The following BICRA variants were observed in gnomAD, a reference collection of about 807,000 sequenced individuals.
BICRA encodes BRD4-interacting chromatin-remodeling complex-associated protein.
In BICRA, 31 loss-of-function variants were observed where a neutral mutation model predicts 96.9. The observed-to-expected ratio is 0.32, with a 90% CI of 0.24 to 0.43. BICRA has a LOEUF of 0.43. BICRA is among the 20% of genes least tolerant of loss of function. BICRA has a pLI of 1.00. For missense variants in BICRA, 2,283 were observed against 2,190.3 expected (o/e 1.04, Z -0.84); for synonymous variants, 1,350 against 1,071.8 (o/e 1.26, Z -5.07).
Position 47,702,204 on chromosome 19 carries a change from G to A in BICRA, c.4472G>A (p.Ser1491Asn). ...DVDQASFSSD[S>N]PQDDTLTEHL... ...GACCAGGCCAGCTTCTCCAGCGACA[G>A]CCCGCAGGATGACACGCTCACCGAG... Residue 1491 changes from serine to asparagine, a missense_variant, in exon 15 of 15, where the codon AGC becomes AAC. Transcript: ENST00000594866. 3 of 1,595,366 alleles carry A rather than the reference G, an allele frequency of 1.9e-6. No homozygotes were observed. The highest frequency in any genetic ancestry group is 2.6e-6 in the Non-Finnish European group (3 of 1,176,306).
At chr19:47,695,312 G>T in intron 9 of BICRA, 53 bp from the exon 10 acceptor site, 1 of 799,132 alleles carries the variant, frequency 1.3e-6, no homozygotes, top group South Asian at 1.5e-5. Context: ...TTGAGGAGGG[G>T]GCCTTCATGC....
At position 47,701,310 on chromosome 19, in the gene BICRA, T is replaced by G; in HGVS notation, c.3596-18T>G. ...CCTCATCCTAACCCCGCGGGTTTTC[T>G]TTGCCCCGATTCTGCAGACGAGTAC... On this transcript the variant is annotated intron_variant, in intron 14 of 14. Coordinates refer to ENST00000594866, the MANE Select transcript of BICRA (RefSeq NM_001394372.1). The surrounding 1 kb of genome is among the most constrained non-coding windows in gnomAD (Gnocchi z 5.4). The G allele has an allele frequency of 6.2e-7, 1 of 1,601,716 alleles. No individual in the cohort carries two copies.
chr19:47,677,626 C>T (rs537185675), intron 5 of BICRA, among the ~76,000 whole-genome samples: 5 of 152,058 alleles, frequency 3.3e-5, no homozygotes, highest in Admixed American at 1.3e-4. Flanking sequence ...AACTCGTGGG[C>T]GGAGATTGTG....
At position 47,701,938 on chromosome 19, in the gene BICRA, G is replaced by A; in HGVS notation, c.4206G>A (p.Glu1402=). ...RENVGGPGAP[E]GTPAGRARGG... is the part of the protein sequence containing the mutation. ...ACGTGGGGGGCCCTGGCGCGCCGGAGGGGACGCCCGCAGGCAGGGCACGGG... is the reference window on the plus strand; with the variant it reads ...ACGTGGGGGGCCCTGGCGCGCCGGAAGGGACGCCCGCAGGCAGGGCACGGG... The change falls in exon 15 of 15, where the codon GAG becomes GAA. Residue 1402 remains glutamate, a synonymous_variant. Coordinates refer to ENST00000594866, the MANE Select transcript of BICRA (RefSeq NM_001394372.1). This position sits in a 1 kb window ranked among gnomAD's most constrained non-coding sequence, Gnocchi z 5.4. 7.0e-7 allele frequency: 1 copy of A among 1,436,734 alleles called. No individual in the cohort carries two copies. The highest frequency in any genetic ancestry group is 9.0e-7 in the Non-Finnish European group (1 of 1,105,358). 89.0% of individuals were successfully genotyped at this position (1,436,734 alleles called of 1,614,324 possible).
rs1973387740 is a variant in BICRA, at chr19:47,698,680, G to A, written c.3295G>A (p.Asp1099Asn). 7 of 1,516,482 alleles carry A rather than the reference G, an allele frequency of 4.6e-6. No homozygotes were observed. Among genetic ancestry groups the A allele is most frequent in the South Asian group, 3.4e-5 (3 of 89,380 alleles). 93.9% of individuals were successfully genotyped at this position (1,516,482 alleles called of 1,614,324 possible). A position where few individuals can be genotyped will look rare whatever the true frequency, so the allele number is the denominator to read the frequency against. Residue 1099 changes from aspartate to asparagine, a missense_variant, in exon 12 of 15, where the codon GAC (aspartate) becomes AAC (asparagine). Physicochemically the swap from Asp to Asn is conservative, Grantham distance 23. Transcript: ENST00000594866. This position sits in a 1 kb window ranked among gnomAD's most constrained non-coding sequence, Gnocchi z 4.8. ...HKHQGSVLHP[D>N]YKTAFPSFED... is the part of the protein sequence containing the mutation. Reference sequence around the variant, plus strand: ...ACACCAGGGCTCCGTCCTGCACCCCGACTACAAGACGGCCTTCCCCTCCTT... The same window carrying A: ...ACACCAGGGCTCCGTCCTGCACCCCAACTACAAGACGGCCTTCCCCTCCTT...
intron 1 of BICRA, among the ~76,000 whole-genome samples, chr19:47,637,004 C>A (rs1972309259): frequency 1.3e-5 from 2 of 152,210 alleles, no homozygotes; most frequent in Admixed American, 6.6e-5. Context: ...GTCAAGCCTG[C>A]TCTTATCACC....
chr19:47,622,405 G>T (rs896771356), intron 1 of BICRA, among the ~76,000 whole-genome samples: 1 of 147,724 alleles, frequency 6.8e-6, no homozygotes, highest in Non-Finnish European at 1.5e-5. Context: ...GTGTAACTTG[G>T]TTTCTAACAA....
chr19:47,653,947 C>T (rs1972577198), intron 1 of BICRA, among the ~76,000 whole-genome samples: 1 of 152,184 alleles, frequency 6.6e-6, no homozygotes, highest in African/African-American at 2.4e-5. Context: ...ACTCTCCTGC[C>T]TCAGGCTCCC....
chr19:47,694,381 G>A lies in BICRA; in HGVS notation c.2550G>A (p.Pro850=), dbSNP rs914673501. Residue 850 remains proline, a synonymous_variant, in exon 8 of 15, where the codon CCG becomes CCA. Transcript: ENST00000594866. ...GCGTTCCCCCGCCTGCCAGCAACCC[G>A]GCCCCTACTGCCCCAGGCCCGCCGC... ...QLGVPPPASN[P]APTAPGPPQP... is the part of the protein sequence containing the mutation. 7 of 1,055,908 alleles carry A rather than the reference G, an allele frequency of 6.6e-6. No homozygotes were observed. Among genetic ancestry groups the A allele is most frequent in the Admixed American group, 4.9e-5 (2 of 40,602 alleles). 65.4% of individuals were successfully genotyped at this position (1,055,908 alleles called of 1,614,324 possible). A position where few individuals can be genotyped will look rare whatever the true frequency, so the allele number is the denominator to read the frequency against.
intron 7 of BICRA, 101 bp from the exon 8 acceptor site, chr19:47,694,014 C>T: frequency 7.3e-7 from 1 of 1,377,790 alleles, no homozygotes; most frequent in Non-Finnish European, 9.5e-7. Flanking sequence ...AGGAAGGGGG[C>T]TTCTGGCGGG....
At chr19:47,612,391 G>A (rs1300575144) in intron 1 of BICRA, among the ~76,000 whole-genome samples, 2 of 151,464 alleles carry the variant, frequency 1.3e-5, no homozygotes, top group Non-Finnish European at 2.9e-5. Flanking sequence ...TCTCAAGCCT[G>A]GGCAAGAGTG....
At chr19:47,682,202 C>A (rs1264566482) in intron 7 of BICRA, 50 bp downstream of exon 7, 8 of 774,072 alleles carry the variant, frequency 1.0e-5, no homozygotes, top group Non-Finnish European at 1.6e-5. Context: ...CAGCCTCGCC[C>A]CTCCTGCCCG....
chr19:47,698,776 C>G lies in BICRA; in HGVS notation c.3391C>G (p.His1131Asp). The G allele has an allele frequency of 6.2e-7, 1 of 1,603,706 alleles. No homozygotes were observed. Among genetic ancestry groups the G allele is most frequent in the South Asian group, 1.1e-5 (1 of 89,754 alleles). The change falls in exon 12 of 15, where the codon CAC (histidine) becomes GAC (aspartate). Residue 1131 changes from histidine (H) to aspartate (D), a missense_variant. By Grantham distance (81) the His-to-Asp change is moderately conservative (BLOSUM62 -1). Transcript: ENST00000594866. The surrounding 1 kb of genome is among the most constrained non-coding windows in gnomAD (Gnocchi z 4.8). The stretch of plus-strand genomic sequence containing the variant: ...CGCCCTCCCCTCCCCCAGTGACTAC[C>G]ACAAAGGTGAGGCCTCCCCAGGACA... ...QGALPSPSDYHKVDEEFETVS... is the reference protein window; with the variant it reads ...QGALPSPSDYDKVDEEFETVS...
chr19:47,610,659 T>C (rs1035888375), intron 1 of BICRA, among the ~76,000 whole-genome samples: 1 of 149,496 alleles, frequency 6.7e-6, no homozygotes, highest in East Asian at 2.0e-4. Context: ...ATAATACAGA[T>C]CTAGGGGTGC....
At chr19:47,618,216 C>T (rs1199543053) in intron 1 of BICRA, among the ~76,000 whole-genome samples, 2 of 152,140 alleles carry the variant, frequency 1.3e-5, no homozygotes, top group African/African-American at 4.8e-5. Context: ...TGAAGTGGGG[C>T]TGGCAGCAGG....
intron 1 of BICRA, among the ~76,000 whole-genome samples, chr19:47,649,344 C>T (rs977928006): frequency 3.3e-5 from 5 of 152,062 alleles, no homozygotes; most frequent in Non-Finnish European, 5.9e-5. Flanking sequence ...TGTTATATGC[C>T]CTCTGTATCT....
Position 47,680,122 on chromosome 19 carries a change from G to C in BICRA, c.952G>C (p.Gly318Arg), listed in dbSNP as rs866702193. ...CGCGGGGGCCGCCTCGGCTCCCACCGGGACGCCCTCGGGACAGCCGCTGGC... is the reference window on the plus strand; with the variant it reads ...CGCGGGGGCCGCCTCGGCTCCCACCCGGACGCCCTCGGGACAGCCGCTGGC... ...GGAGAASAPT[G>R]TPSGQPLAVA... The change falls in exon 6 of 15, where the codon GGG (glycine) becomes CGG (arginine). Residue 318 changes from glycine (G) to arginine (R), a missense_variant. Transcript: ENST00000594866. 1 of 1,531,502 alleles carries C rather than the reference G, an allele frequency of 6.5e-7. No individual in the cohort carries two copies. The highest frequency in any genetic ancestry group is 1.7e-4 in the Middle Eastern group (1 of 5,836). The allele number at this position is 1,531,502 out of a possible 1,614,324, so 94.9% of individuals were successfully genotyped here.
At position 47,694,095 on chromosome 19, in the gene BICRA, TC is replaced by T; in HGVS notation, c.2284-17del. 1.6e-6 allele frequency: 1 copy of T among 622,606 alleles called. No homozygotes were observed. 38.6% of individuals were successfully genotyped at this position (622,606 alleles called of 1,614,324 possible). A position where few individuals can be genotyped will look rare whatever the true frequency, so the allele number is the denominator to read the frequency against. On this transcript the variant is annotated intron_variant, in intron 7 of 14. Transcript: ENST00000594866. Reference sequence around the variant, plus strand: ...GGTTCTGACCCCCGCCCCTCCCCTCTCCCTCCCTCCCCTGCCCAGATCCCGG... The same window carrying T: ...GGTTCTGACCCCCGCCCCTCCCCTCTCCTCCCTCCCCTGCCCAGATCCCGG...
At chr19:47,621,633 C>A (rs139195162) in intron 1 of BICRA, among the ~76,000 whole-genome samples, 2 of 150,794 alleles carry the variant, frequency 1.3e-5, no homozygotes, top group Non-Finnish European at 1.5e-5. Flanking sequence ...GCCACCACAC[C>A]CGGCTGATTT....
Sources: gnomAD v4.1 joint callset for allele counts (sites outside exome capture counted in the v4.1 genomes callset) on GRCh38, gnomAD v4.1.1 for gene constraint, Gnocchi (gnomAD v3.1) non-coding constraint, MANE v1.5 for transcripts, NCBI Gene and HGNC (gene_info 2026-07-23, HGNC 2026-07-21) for gene names.